C16orf74: variants seen among roughly 807,000 people sequenced by gnomAD.
The protein encoded by C16orf74 is calcimembrin, also known as uncharacterized protein C16orf74.
C16orf74 carries 10 observed loss-of-function variants against 6.5 expected under a neutral mutation model. The ratio of observed to expected loss-of-function variants is 1.54; its 90% confidence interval spans 0.95 to 2.61. C16orf74 has a LOEUF of 2.61. Among genes scored for constraint, C16orf74 ranks in the 30% most tolerant of loss-of-function variants. The probability of loss-of-function intolerance (pLI) is 0.00; values close to 1 mark genes in which losing one functional copy is unlikely to be tolerated. For synonymous variants in C16orf74, 60 were observed against 42.5 expected (o/e 1.41, Z -1.60); for missense variants, 141 against 105.9 (o/e 1.33, Z -1.45).
intron 2 of C16orf74, among the ~76,000 whole-genome samples, chr16:85,718,763 C>T (rs1041244353): frequency 3.9e-5 from 6 of 152,242 alleles, no homozygotes; most frequent in Non-Finnish European, 5.9e-5. Flanking sequence ...ATTCAGATCA[C>T]GAGTTGATGC....
At chr16:85,749,946 G>A (rs1372070398) in intron 1 of C16orf74, among the ~76,000 whole-genome samples, 4 of 152,202 alleles carry the variant, frequency 2.6e-5, no homozygotes, top group African/African-American at 9.7e-5. Context: ...CCCCAGCGGT[G>A]GGGGCGCAGA....
intron 2 of C16orf74, among the ~76,000 whole-genome samples, chr16:85,720,247 T>C (rs867993780): frequency 2.6e-5 from 4 of 152,010 alleles, no homozygotes; most frequent in African/African-American, 9.7e-5. Flanking sequence ...AGAGACAACC[T>C]GAGAGGAGCT....
intron 1 of C16orf74, 51 bp from the exon 2 acceptor site, chr16:85,735,286 T>C: frequency 5.0e-6 from 7 of 1,413,934 alleles, no homozygotes; most frequent in Non-Finnish European, 6.7e-6. Flanking sequence ...CTTGTTTGTA[T>C]TGGCCACGTG....
chr16:85,715,869 C>A (rs1336888064), intron 2 of C16orf74, among the ~76,000 whole-genome samples: 1 of 152,184 alleles, frequency 6.6e-6, no homozygotes, highest in Non-Finnish European at 1.5e-5. Context: ...GTGGGCAGGG[C>A]AGCTCCCTCT....
intron 1 of C16orf74, among the ~76,000 whole-genome samples, chr16:85,750,255 C>T (rs532360912): frequency 4.5e-4 from 68 of 152,336 alleles, no homozygotes; most frequent in African/African-American, 1.6e-3. Flanking sequence ...CCATCTGGGC[C>T]CCGCAGCCGG....
intron 2 of C16orf74, among the ~76,000 whole-genome samples, chr16:85,718,358 A>T (rs1174031309): frequency 6.6e-6 from 1 of 152,232 alleles, no homozygotes; most frequent in Non-Finnish European, 1.5e-5. Context: ...AAGCCACCCC[A>T]TACGGCCTGA....
chr16:85,746,482 G>C (rs1001315141), intron 1 of C16orf74, among the ~76,000 whole-genome samples: 1 of 152,194 alleles, frequency 6.6e-6, no homozygotes, highest in African/African-American at 2.4e-5. Context: ...TGGGGACCTG[G>C]AGAACTAGAC....
chr16:85,710,214 G>A lies in C16orf74; in HGVS notation c.122C>T (p.Thr41Met), dbSNP rs374680936. 1.6e-4 allele frequency: 238 copies of A among 1,499,480 alleles called. 1 individual carries two copies. Among genetic ancestry groups the A allele is most frequent in the Admixed American group, 5.5e-5 (2 of 36,158 alleles). 92.9% of individuals were successfully genotyped at this position (1,499,480 alleles called of 1,614,324 possible). Residue 41 changes from threonine (T) to methionine (M), a missense_variant, in exon 3 of 4, where the codon ACG becomes ATG. Transcript: ENST00000284245. ...CATCATGCCCGTGGGGGTGGGGGGC[G>A]TGATGATGATGTCGGGCACGTCCAG... ...KHLDVPDIIITPPTPTGMMLP... is the reference protein window; with the variant it reads ...KHLDVPDIIIMPPTPTGMMLP...
At chr16:85,718,723 G>C (rs765942874) in intron 2 of C16orf74, among the ~76,000 whole-genome samples, 1 of 152,354 alleles carries the variant, frequency 6.6e-6, no homozygotes, top group Non-Finnish European at 1.5e-5. Flanking sequence ...TGCTGGCCTC[G>C]CTGTGCACAC....
At chr16:85,743,211 A>G (rs2054329637) in intron 1 of C16orf74, 1 of 152,208 alleles carries the variant, frequency 6.6e-6, no homozygotes, top group Non-Finnish European at 1.5e-5. Context: ...GAGGAGTTAC[A>G]GCTTTGATTC....
intron 2 of C16orf74, among the ~76,000 whole-genome samples, chr16:85,719,173 A>G (rs2054054298): frequency 6.6e-6 from 1 of 152,222 alleles, no homozygotes; most frequent in African/African-American, 2.4e-5. Flanking sequence ...AGCCTGGGCC[A>G]GGGAGGTGGC....
At chr16:85,730,260 T>G (rs1367319222) in intron 2 of C16orf74, among the ~76,000 whole-genome samples, 1 of 152,142 alleles carries the variant, frequency 6.6e-6, no homozygotes, top group Non-Finnish European at 1.5e-5. Context: ...CCAAAGGGAA[T>G]AAGAACGGGT....
rs572654533 is a variant in C16orf74, at chr16:85,726,662, G to A, written c.28+8528C>T. Among the ~76,000 whole-genome samples the A allele has an allele frequency of 2.0e-5, 3 of 152,228 alleles. No individual in the cohort carries two copies. The East Asian group carries it at 5.8e-4, about 29-fold the overall frequency. On this transcript the variant is annotated intron_variant, in intron 2 of 3. Transcript: ENST00000284245. ...TCCACCATGTGATCTCCCTTCAAATGTATGAAATTTCCAGTTTGTTCTGAA... is the reference window on the plus strand; with the variant it reads ...TCCACCATGTGATCTCCCTTCAAATATATGAAATTTCCAGTTTGTTCTGAA...
chr16:85,719,826 G>T (rs2152059872), intron 2 of C16orf74, among the ~76,000 whole-genome samples: 1 of 150,530 alleles, frequency 6.6e-6, no homozygotes, highest in East Asian at 1.9e-4. Context: ...CCCTGAGGCA[G>T]GAACATAGGG....
At chr16:85,720,370 C>A (rs1020039813) in intron 2 of C16orf74, among the ~76,000 whole-genome samples, 1 of 152,154 alleles carries the variant, frequency 6.6e-6, no homozygotes, top group African/African-American at 2.4e-5. Flanking sequence ...CCCTCCTGGG[C>A]AGCCCTCCCA....
chr16:85,733,858 A>G (rs906820592), intron 2 of C16orf74, among the ~76,000 whole-genome samples: 2 of 152,166 alleles, frequency 1.3e-5, no homozygotes, highest in African/African-American at 4.8e-5. Flanking sequence ...GATTTTCACC[A>G]GGGGAACCAA....
chr16:85,734,888 C>T (rs991384417), intron 2 of C16orf74, among the ~76,000 whole-genome samples: 4 of 152,168 alleles, frequency 2.6e-5, no homozygotes, highest in Non-Finnish European at 4.4e-5. Context: ...CTGGCTCCTT[C>T]GCAAAGGCCT....
chr16:85,710,369 G>A, intron 2 of C16orf74, 62 bp from the exon 3 acceptor site: 5 of 1,417,870 alleles, frequency 3.5e-6, no homozygotes, highest in Non-Finnish European at 4.6e-6. Flanking sequence ...GGCATCAGTG[G>A]CCGCCGGGAA....
At chr16:85,717,593 G>C (rs1362430282) in intron 2 of C16orf74, among the ~76,000 whole-genome samples, 1 of 152,204 alleles carries the variant, frequency 6.6e-6, no homozygotes, top group Non-Finnish European at 1.5e-5. Context: ...GGGGTCCTGA[G>C]CTGGGGGTGC....
Sources: allele counts gnomAD v4.1 joint callset (sites outside exome capture counted in the v4.1 genomes callset), GRCh38; gene constraint gnomAD v4.1.1; transcripts MANE v1.5; gene names NCBI Gene and HGNC (gene_info 2026-07-23, HGNC 2026-07-21).